TNRC6B: variants seen among roughly 807,000 people sequenced by gnomAD.
TNRC6B encodes the protein trinucleotide repeat-containing gene 6B protein.
In TNRC6B, 52 loss-of-function variants were observed where a neutral mutation model predicts 203.6. The ratio of observed to expected loss-of-function variants is 0.26; its 90% CI spans 0.20 to 0.32. TNRC6B has a LOEUF of 0.32. TNRC6B is among the 10% of genes least tolerant of loss of function. TNRC6B has a pLI of 1.00. For missense variants in TNRC6B, 1,923 were observed against 2,286.2 expected (o/e 0.84, Z 3.24); for synonymous variants, 838 against 845.7 (o/e 0.99, Z 0.16).
At chr22:40,219,359 G>T (rs566995724) in intron 1 of TNRC6B, among the ~76,000 whole-genome samples, 1 of 152,206 alleles carries the variant, frequency 6.6e-6, no homozygotes, top group Non-Finnish European at 1.5e-5. Context: ...AGTCATTTAT[G>T]GAGGTGGGAA....
intron 3 of TNRC6B, among the ~76,000 whole-genome samples, chr22:40,146,143 G>C (rs906753415): frequency 6.6e-6 from 1 of 152,208 alleles, no homozygotes; most frequent in East Asian, 1.9e-4. Flanking sequence ...AAACAACTTT[G>C]TTGTGCCAGG....
At chr22:40,202,600 T>A (rs1360962376) in intron 1 of TNRC6B, among the ~76,000 whole-genome samples, 1 of 152,108 alleles carries the variant, frequency 6.6e-6, no homozygotes, top group Non-Finnish European at 1.5e-5. Flanking sequence ...ATGACTTGTT[T>A]CTCAGTTTTG....
At chr22:40,101,250 C>T (rs1462611539) in intron 1 of TNRC6B, among the ~76,000 whole-genome samples, 1 of 152,146 alleles carries the variant, frequency 6.6e-6, no homozygotes, top group African/African-American at 2.4e-5. Flanking sequence ...CCTCGGTCTC[C>T]CAAAGTGCTG....
intron 1 of TNRC6B, among the ~76,000 whole-genome samples, chr22:40,244,702 T>A (rs1007086722): frequency 6.6e-6 from 1 of 152,216 alleles, no homozygotes. Flanking sequence ...TGTGAAACCA[T>A]GGATTTGTTA....
intron 3 of TNRC6B, among the ~76,000 whole-genome samples, chr22:40,154,849 AAAAAAAAAAAAATAT>A (rs2068798143): frequency 1.7e-5 from 1 of 60,232 alleles, no homozygotes; most frequent in East Asian, 3.5e-4. Flanking sequence ...TCAAAAAAAA[AAAAAAAAAAAAATAT>A]ATATATATAT....
At chr22:40,299,103 C>G (rs567008102) in intron 12 of TNRC6B, among the ~76,000 whole-genome samples, 44 of 150,158 alleles carry the variant, frequency 2.9e-4, no homozygotes, top group Non-Finnish European at 5.6e-4. Context: ...CATGATCACG[C>G]CACTGCATTC....
intron 1 of TNRC6B, among the ~76,000 whole-genome samples, chr22:40,079,123 G>T (rs564417922): frequency 2.0e-5 from 3 of 151,784 alleles, no homozygotes; most frequent in Admixed American, 2.0e-4. Flanking sequence ...GTGTTGCCCA[G>T]GCTGGTCTCA....
At position 40,334,721 on chromosome 22, in the gene TNRC6B, G is replaced by A. The variant is rs1398817547; in HGVS notation, c.*11480G>A. On this transcript the variant is annotated 3_prime_UTR_variant, in exon 23 of 23. Transcript: ENST00000454349. ...TCACAGAGACGCAGGAGGACCTGGG[G>A]GGCGTAGCAGAGGAGGATAGGTAGA... 1 of 152,540 alleles carries A rather than the reference G, an allele frequency of 6.6e-6. No homozygotes were observed. The highest frequency in any genetic ancestry group is 1.5e-5 in the Non-Finnish European group (1 of 68,030). 9.4% of individuals were successfully genotyped at this position (152,540 alleles called of 1,614,324 possible).
chr22:40,198,666 G>T (rs772597244), intron 1 of TNRC6B, among the ~76,000 whole-genome samples: 9 of 152,128 alleles, frequency 5.9e-5, no homozygotes, highest in African/African-American at 2.2e-4. Flanking sequence ...ATATTGGAAA[G>T]GAGACAGCTA....
At chr22:40,049,982 G>A (rs987667255) in intron 1 of TNRC6B, among the ~76,000 whole-genome samples, 2 of 152,014 alleles carry the variant, frequency 1.3e-5, no homozygotes, top group South Asian at 2.1e-4. Context: ...TTCTATTATC[G>A]TTAGTTTCTA....
intron 1 of TNRC6B, chr22:40,106,972 C>T (rs2068289681): frequency 4.2e-6 from 5 of 1,181,366 alleles, no homozygotes; most frequent in Non-Finnish European, 6.2e-6. Flanking sequence ...TTCTCAGGCG[C>T]TTGATCTTCA....
At chr22:40,303,037 C>CTTG (rs1298709667) in intron 15 of TNRC6B, among the ~76,000 whole-genome samples, 3 of 143,394 alleles carry the variant, frequency 2.1e-5, no homozygotes, top group Non-Finnish European at 4.5e-5. Flanking sequence ...TCTTCTTCTT[C>CTTG]TTCTTCTTCT....
At chr22:40,105,977 T>C (rs894564000) in intron 1 of TNRC6B, among the ~76,000 whole-genome samples, 1 of 152,236 alleles carries the variant, frequency 6.6e-6, no homozygotes, top group Non-Finnish European at 1.5e-5. Flanking sequence ...TTGTGGTATA[T>C]AATGGTGTAT....
At position 40,328,155 on chromosome 22, in the gene TNRC6B, A is replaced by G. The variant is rs369418042; in HGVS notation, c.*4914A>G. The G allele has an allele frequency of 1.3e-5, 2 of 152,368 alleles. No homozygotes were observed. The highest frequency in any genetic ancestry group is 3.9e-4 in the East Asian group (2 of 5,184). 9.4% of individuals were successfully genotyped at this position (152,368 alleles called of 1,614,324 possible). On this transcript the variant is annotated 3_prime_UTR_variant, in exon 23 of 23. Coordinates refer to ENST00000454349, the MANE Select transcript of TNRC6B (RefSeq NM_001162501.2). ...ACCCTGGACGTGTTTCATTTACAAC[A>G]TTCATAGGAGTTAACTTAGCAGTGT... is the stretch of plus-strand genomic sequence containing the variant.
chr22:40,133,377 A>G (rs918426370), intron 3 of TNRC6B, among the ~76,000 whole-genome samples: 1 of 152,130 alleles, frequency 6.6e-6, no homozygotes, highest in Admixed American at 6.5e-5. Flanking sequence ...GGCACCTACT[A>G]GTTGCTGATG....
chr22:40,285,519 C>A, intron 11 of TNRC6B, 126 bp from the exon 12 acceptor site: 2 of 1,179,338 alleles, frequency 1.7e-6, no homozygotes, highest in South Asian at 1.7e-5. Context: ...TTCTCAGTTA[C>A]AAAATTCTGT....
intron 1 of TNRC6B, among the ~76,000 whole-genome samples, chr22:40,091,142 C>T (rs1027904652): frequency 4.6e-5 from 7 of 152,042 alleles, no homozygotes; most frequent in South Asian, 4.1e-4. Context: ...CCACCACACC[C>T]GCATAATTTT....
intron 2 of TNRC6B, chr22:40,117,224 A>G (rs1376720558): frequency 1.3e-5 from 2 of 152,506 alleles, no homozygotes; most frequent in African/African-American, 4.8e-5. Flanking sequence ...CCTTTTACCA[A>G]GTTCTTACAG....
chr22:40,240,627 T>C (rs2070015706), intron 1 of TNRC6B, among the ~76,000 whole-genome samples: 1 of 152,232 alleles, frequency 6.6e-6, no homozygotes, highest in South Asian at 2.1e-4. Context: ...AGAGACTCAG[T>C]AAATACTTAA....
Sources: gnomAD v4.1 joint callset for allele counts (sites outside exome capture counted in the v4.1 genomes callset) on GRCh38, gnomAD v4.1.1 for gene constraint, MANE v1.5 for transcripts, NCBI Gene and HGNC (gene_info 2026-07-23, HGNC 2026-07-21) for gene names.